Variants in EDA observed in about 807,000 individuals in gnomAD.
EDA encodes the protein ectodysplasin-A.
In EDA, 2 loss-of-function variants were observed where a neutral mutation model predicts 23.6. The ratio of observed to expected loss-of-function variants is 0.08; its 90% CI spans 0.03 to 0.27. The LOEUF (loss-of-function observed/expected upper bound fraction) is 0.27, where lower values mean the gene tolerates loss of function less well. Among genes scored for constraint, EDA ranks in the 10% least tolerant of loss-of-function variants. The pLI, the probability that EDA is intolerant of heterozygous loss-of-function variation, is 1.00. For missense variants in EDA, 229 were observed against 324.2 expected (o/e 0.71, Z 2.26); for synonymous variants, 131 against 132.0 (o/e 0.99, Z 0.05).
intron 1 of EDA, among the ~76,000 whole-genome samples, chrX:69,672,051 TA>T: frequency 8.9e-6 from 1 of 112,225 alleles, no homozygotes; most frequent in Non-Finnish European, 1.9e-5. Context: ...AATATTTATT[TA>T]TTGAACAGTG....
At chrX:69,678,595 G>A (rs1401916926) in intron 1 of EDA, among the ~76,000 whole-genome samples, 3 of 109,449 alleles carry the variant, frequency 2.7e-5, no homozygotes, top group African/African-American at 1.0e-4. Flanking sequence ...TTGTGAATGG[G>A]AGTTCACTCA....
chrX:69,754,825 T>C (rs1034165914), intron 1 of EDA, among the ~76,000 whole-genome samples: 8 of 112,145 alleles, frequency 7.1e-5, no homozygotes, highest in African/African-American at 2.6e-4. Context: ...ACTGATACCC[T>C]TTCTTCCATT....
At chrX:69,645,042 A>T (rs1932891162) in intron 1 of EDA, among the ~76,000 whole-genome samples, 1 of 111,219 alleles carries the variant, frequency 9.0e-6, no homozygotes, top group Admixed American at 9.6e-5. Context: ...TTCACCAAGG[A>T]TATTGGCCTA....
intron 1 of EDA, among the ~76,000 whole-genome samples, chrX:69,954,438 A>G (rs2018970848): frequency 9.0e-6 from 1 of 111,412 alleles, no homozygotes; most frequent in Non-Finnish European, 1.9e-5. Context: ...GCTCCTCTCC[A>G]TCAAAGCATG....
intron 2 of EDA, among the ~76,000 whole-genome samples, chrX:69,979,924 T>G (rs1490535760): frequency 8.9e-6 from 1 of 111,740 alleles, no homozygotes; most frequent in African/African-American, 3.3e-5. Flanking sequence ...TTATCACTTA[T>G]ATTTCTCATT....
At chrX:69,693,939 A>G (rs1316539077) in intron 1 of EDA, among the ~76,000 whole-genome samples, 2 of 112,197 alleles carry the variant, frequency 1.8e-5, no homozygotes, top group Non-Finnish European at 3.8e-5. Flanking sequence ...ATTCCTCTGT[A>G]AATGTTCAAA....
At chrX:69,845,650 C>T (rs1005381815) in intron 1 of EDA, among the ~76,000 whole-genome samples, 4 of 111,734 alleles carry the variant, frequency 3.6e-5, no homozygotes, top group African/African-American at 1.3e-4. Flanking sequence ...ACACCCTTGT[C>T]GTTTTCTCAC....
chrX:69,745,973 C>T (rs971451361), intron 1 of EDA, among the ~76,000 whole-genome samples: 11 of 111,287 alleles, frequency 9.9e-5, no homozygotes, highest in Admixed American at 1.9e-4. Context: ...GGTGACAGAG[C>T]GAGCCTCCGT....
At chrX:69,736,474 C>T (rs1425228797) in intron 1 of EDA, among the ~76,000 whole-genome samples, 1 of 109,351 alleles carries the variant, frequency 9.1e-6, no homozygotes, top group Non-Finnish European at 1.9e-5. Flanking sequence ...GGATTGCGGA[C>T]ATGCACCACC....
chrX:69,928,366 G>T lies in EDA; in HGVS notation c.397-28661G>T, dbSNP rs181307091. Reference sequence around the variant, plus strand: ...TCTTACTGATATTTGTATTCCTGTTGCATTGCAGAGTCTATTTTGCATTCC... The same window carrying T: ...TCTTACTGATATTTGTATTCCTGTTTCATTGCAGAGTCTATTTTGCATTCC... On this transcript the variant is annotated intron_variant, in intron 1 of 7. Transcript: ENST00000374552. Among the ~76,000 whole-genome samples the T allele has an allele frequency of 2.0e-4, 22 of 111,940 alleles. No homozygotes were observed. The East Asian group carries it at 5.9e-3, about 30-fold the overall frequency.
chrX:69,879,255 T>C (rs2017703212), intron 1 of EDA, among the ~76,000 whole-genome samples: 1 of 111,509 alleles, frequency 9.0e-6, no homozygotes, highest in African/African-American at 3.3e-5. Flanking sequence ...CAGGGATTTA[T>C]AAGCAACTTT....
intron 1 of EDA, among the ~76,000 whole-genome samples, chrX:69,747,294 C>T (rs1359641441): frequency 1.8e-5 from 2 of 111,737 alleles, no homozygotes; most frequent in Admixed American, 1.9e-4. Flanking sequence ...ACACAAAGAG[C>T]CAGGAGAGAA....
At chrX:69,794,171 A>G (rs770530102) in intron 1 of EDA, among the ~76,000 whole-genome samples, 2 of 110,735 alleles carry the variant, frequency 1.8e-5, no homozygotes, top group African/African-American at 6.6e-5. Context: ...AAAACAGGGT[A>G]TATTCAAAGG....
At chrX:69,833,511 T>G (rs1388108066) in intron 1 of EDA, among the ~76,000 whole-genome samples, 1 of 110,547 alleles carries the variant, frequency 9.0e-6, no homozygotes, top group Non-Finnish European at 1.9e-5. Context: ...TTTTTTTTTT[T>G]GCTGTGTCTC....
At position 69,980,828 on chromosome X, in the gene EDA, G is replaced by C. The variant is rs183103569; in HGVS notation, c.502+23696G>C. Among the ~76,000 whole-genome samples, 50 of 112,221 alleles carry C rather than the reference G, an allele frequency of 4.5e-4. No individual in the cohort carries two copies. In the East Asian group the frequency reaches 0.012, roughly 28 times the overall value. ...CAACCTCAGATATGTTAAATAACTT[G>C]AGTAGAGTTACAGGTGGTGTGGAAA... On this transcript the variant is annotated intron_variant, in intron 2 of 7. Coordinates refer to ENST00000374552, the MANE Select transcript of EDA (RefSeq NM_001399.5).
At chrX:69,792,775 G>A (rs773190797) in intron 1 of EDA, among the ~76,000 whole-genome samples, 1 of 111,863 alleles carries the variant, frequency 8.9e-6, no homozygotes, top group South Asian at 3.7e-4. Context: ...ATCTTCTTTT[G>A]AGAATTGTCT....
intron 1 of EDA, among the ~76,000 whole-genome samples, chrX:69,792,315 A>G (rs2015426426): frequency 8.9e-6 from 1 of 112,073 alleles, no homozygotes; most frequent in Non-Finnish European, 1.9e-5. Flanking sequence ...TTTTTTATGG[A>G]TGAGTGGTGT....
At chrX:69,929,755 A>G (rs1380268690) in intron 1 of EDA, among the ~76,000 whole-genome samples, 2 of 84,028 alleles carry the variant, frequency 2.4e-5, no homozygotes, top group East Asian at 2.0e-3. Context: ...TGTGTGTGTG[A>G]TGTATAATGC....
chrX:69,990,701 T>G (rs1232736814), intron 2 of EDA, among the ~76,000 whole-genome samples: 7 of 110,320 alleles, frequency 6.3e-5, no homozygotes, highest in Admixed American at 1.9e-4. Context: ...TTGCTCCTTT[T>G]TTGGTCCTTT....
Sources: gnomAD v4.1 joint callset for allele counts (sites outside exome capture counted in the v4.1 genomes callset) on GRCh38, gnomAD v4.1.1 for gene constraint, MANE v1.5 for transcripts, NCBI Gene and HGNC (gene_info 2026-07-23, HGNC 2026-07-21) for gene names.